Variants in CDK8 observed in about 807,000 individuals in gnomAD.
The protein encoded by CDK8 is cyclin dependent kinase 8.
A neutral mutation model predicts 71.5 loss-of-function variants in CDK8; 29 were observed. The ratio of observed to expected loss-of-function variants is 0.41; its 90% CI spans 0.30 to 0.55. The LOEUF is 0.55. CDK8 is among the 20% of genes least tolerant of loss of function. CDK8 has a pLI of 0.37. For synonymous variants in CDK8, 161 were observed against 192.1 expected (o/e 0.84, Z 1.34); for missense variants, 288 against 572.6 (o/e 0.50, Z 5.07).
At position 26,258,536 on chromosome 13, in the gene CDK8, C is replaced by T. The variant is rs183475367; in HGVS notation, c.128+3767C>T. Among the ~76,000 whole-genome samples, 516 of 151,144 alleles carry T rather than the reference C, an allele frequency of 3.4e-3. 5 individuals carry two copies. The highest frequency in any genetic ancestry group is 0.012 in the African/African-American group (495 of 41,046). On this transcript the variant is annotated intron_variant, in intron 1 of 12. Transcript: ENST00000381527. ...GTGTAGGACTAAACTCTAATGAAAG[C>T]CATGTGGAAGCACTTCATCTAGTGG...
chr13:26,403,793 G>C (rs1341658236), intron 12 of CDK8, among the ~76,000 whole-genome samples, 163 bp from the exon 13 acceptor site: 1 of 152,208 alleles, frequency 6.6e-6, no homozygotes, highest in African/African-American at 2.4e-5. Flanking sequence ...AGAAGAGGAT[G>C]TTAAAATATT....
At chr13:26,327,939 C>T (rs1875096662) in intron 1 of CDK8, among the ~76,000 whole-genome samples, 1 of 147,032 alleles carries the variant, frequency 6.8e-6, no homozygotes, top group Non-Finnish European at 1.5e-5. Flanking sequence ...GGCTAAGGCC[C>T]AAGAACATAT....
chr13:26,366,909 G>A (rs972223430), intron 4 of CDK8, among the ~76,000 whole-genome samples: 3 of 152,188 alleles, frequency 2.0e-5, no homozygotes, highest in Non-Finnish European at 4.4e-5. Flanking sequence ...AGGCCTTAAA[G>A]TTGGAAGGCA....
intron 1 of CDK8, among the ~76,000 whole-genome samples, chr13:26,270,736 G>A (rs1320750711): frequency 6.6e-6 from 1 of 152,152 alleles, no homozygotes; most frequent in African/African-American, 2.4e-5. Flanking sequence ...TCCTGGGCTG[G>A]TGAATATTTG....
At chr13:26,307,538 G>T (rs1037686690) in intron 1 of CDK8, among the ~76,000 whole-genome samples, 4 of 152,200 alleles carry the variant, frequency 2.6e-5, no homozygotes, top group African/African-American at 9.7e-5. Flanking sequence ...CTGGTACCAT[G>T]ATTTTAGCTC....
At chr13:26,319,732 AT>A (rs924511467) in intron 1 of CDK8, among the ~76,000 whole-genome samples, 5 of 150,928 alleles carry the variant, frequency 3.3e-5, no homozygotes, top group Non-Finnish European at 7.4e-5. Flanking sequence ...TGAAATTAAT[AT>A]AGAATGTCTG....
chr13:26,355,028 A>G (rs1212057561), intron 4 of CDK8, among the ~76,000 whole-genome samples: 1 of 152,214 alleles, frequency 6.6e-6, no homozygotes, highest in Non-Finnish European at 1.5e-5. Context: ...TACAAAGGAA[A>G]TATCCTGTAG....
rs750660210 is a variant in CDK8 at position 26,405,038 on chromosome 13, C to T, written c.*957C>T. On this transcript the variant is annotated 3_prime_UTR_variant, in exon 13 of 13. Transcript: ENST00000381527. ...TTTTCCTTTTGAAAACTTGTTCGCA[C>T]GTTGTTTAGGGTGCCCTTACTTCAG... 10 of 185,404 alleles carry T rather than the reference C, an allele frequency of 5.4e-5. No individual in the cohort carries two copies. The highest frequency in any genetic ancestry group is 1.2e-4 in the Admixed American group (2 of 16,030). 11.5% of individuals were successfully genotyped at this position (185,404 alleles called of 1,614,324 possible).
At position 26,282,259 on chromosome 13, in the gene CDK8, A is replaced by G. The variant is rs1004362310; in HGVS notation, c.128+27490A>G. Among the ~76,000 whole-genome samples, 6 of 152,206 alleles carry G rather than the reference A, an allele frequency of 3.9e-5. No homozygotes were observed. The East Asian group carries it at 5.8e-4, about 15-fold the overall frequency. ...CACAAAAAGATCATCACCCACACAC[A>G]TAGTTATCAGGTTATCTAAAGGCAA... On this transcript the variant is annotated intron_variant, in intron 1 of 12. Transcript: ENST00000381527.
At chr13:26,336,776 G>A (rs1025754104) in intron 1 of CDK8, among the ~76,000 whole-genome samples, 7 of 151,960 alleles carry the variant, frequency 4.6e-5, no homozygotes, top group Non-Finnish European at 7.4e-5. Flanking sequence ...GGATGGTCTC[G>A]ATCTCCTGAC....
chr13:26,256,186 C>A (rs910705729), intron 1 of CDK8, among the ~76,000 whole-genome samples: 2 of 152,214 alleles, frequency 1.3e-5, no homozygotes, highest in Non-Finnish European at 2.9e-5. Flanking sequence ...TACTTTTTAG[C>A]GGAATGGATA....
rs1407460023 is a variant in CDK8, at chr13:26,349,052, G to T, written c.205-20G>T. 6 of 1,338,212 alleles carry T rather than the reference G, an allele frequency of 4.5e-6. No individual in the cohort carries two copies. The Admixed American group carries it at 8.4e-5, about 19-fold the overall frequency. 82.9% of individuals were successfully genotyped at this position (1,338,212 alleles called of 1,614,324 possible). On this transcript the variant is annotated intron_variant, in intron 2 of 12. Coordinates refer to ENST00000381527, the MANE Select transcript of CDK8 (RefSeq NM_001260.3). ...TATTTTTGTGACAGAAATAGTTAAT[G>T]CATCTCCTTTGTTTTGCAGTTACTT...
At chr13:26,391,450 A>G (rs948407229) in intron 6 of CDK8, among the ~76,000 whole-genome samples, 1 of 152,146 alleles carries the variant, frequency 6.6e-6, no homozygotes, top group African/African-American at 2.4e-5. Context: ...CTTACCTTTC[A>G]TCTTCCTTTA....
At chr13:26,300,068 G>C (rs993860064) in intron 1 of CDK8, among the ~76,000 whole-genome samples, 1 of 152,000 alleles carries the variant, frequency 6.6e-6, no homozygotes, top group Non-Finnish European at 1.5e-5. Context: ...ATGAGATAAA[G>C]GAATCTTCAT....
intron 4 of CDK8, among the ~76,000 whole-genome samples, chr13:26,372,672 C>T (rs545622119): frequency 6.6e-6 from 1 of 152,188 alleles, no homozygotes; most frequent in East Asian, 1.9e-4. Context: ...ACCCATACTC[C>T]CTGTATTTGA....
intron 1 of CDK8, among the ~76,000 whole-genome samples, chr13:26,292,394 A>G (rs1271268415): frequency 6.6e-6 from 1 of 152,200 alleles, no homozygotes; most frequent in African/African-American, 2.4e-5. Context: ...GTTTGTTAAG[A>G]ACTGCCTTAG....
intron 1 of CDK8, among the ~76,000 whole-genome samples, chr13:26,282,653 A>T (rs1872805461): frequency 6.6e-6 from 1 of 152,196 alleles, no homozygotes; most frequent in African/African-American, 2.4e-5. Flanking sequence ...CAGTAACACA[A>T]TGGAAGCAAA....
chr13:26,383,589 T>C (rs533530284), intron 5 of CDK8, among the ~76,000 whole-genome samples: 16 of 152,298 alleles, frequency 1.1e-4, no homozygotes, highest in African/African-American at 3.8e-4. Flanking sequence ...AATGTTTAAA[T>C]TGTATTAATT....
intron 3 of CDK8, among the ~76,000 whole-genome samples, chr13:26,352,511 C>T (rs753928906): frequency 1.3e-4 from 20 of 152,180 alleles, no homozygotes; most frequent in Non-Finnish European, 2.4e-4. Flanking sequence ...CCACCATGCC[C>T]GGCCCAAGAA....
Sources: gnomAD v4.1 joint callset for allele counts (sites outside exome capture counted in the v4.1 genomes callset) on GRCh38, gnomAD v4.1.1 for gene constraint, MANE v1.5 for transcripts, NCBI Gene and HGNC (gene_info 2026-07-23, HGNC 2026-07-21) for gene names.